IFT140: variants seen among roughly 807,000 people sequenced by gnomAD.
The protein encoded by IFT140 is intraflagellar transport 140.
In IFT140, 133 loss-of-function variants were observed where a neutral mutation model predicts 164.6. That is an observed-to-expected ratio of 0.81 (90% confidence interval 0.70 to 0.93). The LOEUF is 0.93. Ranked by LOEUF, IFT140 falls within the 40% of genes least tolerant of loss-of-function variation. IFT140 has a pLI of 0.00. For synonymous variants in IFT140, 860 were observed against 817.3 expected, an observed-to-expected ratio of 1.05 and a Z score of -0.89; for missense variants, 2,045 against 1,972.3, an observed-to-expected ratio of 1.04 and a Z score of -0.70.
chr16:1,524,129 G>T, intron 24 of IFT140, 173 bp from the exon 25 acceptor site: 1 of 814,858 alleles, frequency 1.2e-6, no homozygotes, highest in Non-Finnish European at 1.9e-6. Context: ...TGTCTACAAG[G>T]ATTTTCCGAT....
intron 6 of IFT140, 130 bp downstream of exon 6, chr16:1,592,046 C>T: frequency 6.9e-6 from 7 of 1,017,650 alleles, no homozygotes; most frequent in Non-Finnish European, 1.0e-5. Context: ...TGGCACACGT[C>T]ATCTTTCTGT....
chr16:1,535,779 T>C (rs2031005124), intron 19 of IFT140, among the ~76,000 whole-genome samples: 2 of 152,262 alleles, frequency 1.3e-5, no homozygotes, highest in African/African-American at 2.4e-5. Flanking sequence ...CAGCCTGGAC[T>C]GCGCACTTCC....
chr16:1,581,379 C>T (rs1011064038), intron 12 of IFT140, among the ~76,000 whole-genome samples: 3 of 152,162 alleles, frequency 2.0e-5, no homozygotes, highest in Admixed American at 1.3e-4. Context: ...GCAGGTGGAT[C>T]ACATGAGGTC....
chr16:1,562,030 G>A lies in IFT140; in HGVS notation c.2154C>T (p.His718=). The A allele has an allele frequency of 6.2e-7, 1 of 1,612,060 alleles. No homozygotes were observed. The highest frequency in any genetic ancestry group is 8.5e-7 in the Non-Finnish European group (1 of 1,179,114). ...AAGGCACTTCCATCCCCAGGAGACT[G>A]TGGGAGGTGGCAGGCCGGGGGAAGC... ...HESFPRPATS[H]SLLGMEVPYY... The change falls in exon 18 of 31, where the codon CAC becomes CAT. Residue 718 remains histidine, a synonymous_variant. Transcript: ENST00000426508.
intron 19 of IFT140, among the ~76,000 whole-genome samples, chr16:1,548,292 T>TA (rs2032338693): frequency 6.6e-6 from 1 of 152,218 alleles, no homozygotes; most frequent in South Asian, 2.1e-4. Context: ...GGGTCAGCCC[T>TA]GGGGTCTTTC....
intron 19 of IFT140, 121 bp downstream of exon 19, chr16:1,557,814 C>T: frequency 1.1e-6 from 1 of 952,104 alleles, no homozygotes; most frequent in East Asian, 2.4e-5. Flanking sequence ...ATGAAATACA[C>T]CATGACGCAG....
chr16:1,587,456 T>C (rs149363179), intron 8 of IFT140, 152 bp from the exon 9 acceptor site: 76 of 619,752 alleles, frequency 1.2e-4, no homozygotes, highest in African/African-American at 1.2e-3. Context: ...GCTGTTACAT[T>C]TGGGACATTT....
At chr16:1,568,404 C>T (rs886883269) in intron 14 of IFT140, 70 bp from the exon 15 acceptor site, 1 of 1,221,010 alleles carries the variant, frequency 8.2e-7, no homozygotes, top group East Asian at 2.3e-5. Flanking sequence ...CACCCTGAAA[C>T]CTCTGTTCAC....
At position 1,538,018 on chromosome 16, in the gene IFT140, C is replaced by G. The variant is rs555833472; in HGVS notation, c.2400-11222G>C. On this transcript the variant is annotated intron_variant, in intron 19 of 30. Coordinates refer to ENST00000426508, the MANE Select transcript of IFT140 (RefSeq NM_014714.4). The stretch of plus-strand genomic sequence containing the variant: ...TTTAAAAGTCAGCTGCTACCACGCA[C>G]AGCCACGCAGAGCCACGCAGAGCCA... 2.6e-4 allele frequency among the ~76,000 whole-genome samples: 40 copies of G among 152,338 alleles called. No homozygotes were observed. The South Asian group carries it at 5.4e-3, about 21-fold the overall frequency.
chr16:1,557,185 A>G (rs761408492), intron 19 of IFT140, among the ~76,000 whole-genome samples: 2 of 152,236 alleles, frequency 1.3e-5, no homozygotes, highest in Non-Finnish European at 2.9e-5. Flanking sequence ...TATGAAGTCA[A>G]AGTAATCCAG....
chr16:1,584,145 C>G, intron 11 of IFT140, 72 bp downstream of exon 11: 1 of 1,395,002 alleles, frequency 7.2e-7, no homozygotes, highest in South Asian at 1.2e-5. Context: ...GGGGCCCTTG[C>G]TGCCCTGAAC....
At chr16:1,534,258 G>C (rs1190978351) in intron 19 of IFT140, 1 of 1,608,076 alleles carries the variant, frequency 6.2e-7, no homozygotes, top group African/African-American at 1.3e-5. Context: ...CGGATAAGCG[G>C]CGGCACCGGC....
chr16:1,591,794 C>G (rs996475325), intron 6 of IFT140, among the ~76,000 whole-genome samples: 3 of 152,186 alleles, frequency 2.0e-5, no homozygotes, highest in Non-Finnish European at 4.4e-5. Context: ...CACACCCTAG[C>G]CAAGTACCTG....
Position 1,525,195 on chromosome 16 carries a change from G to C in IFT140, c.2864+36C>G, listed in dbSNP as rs139215872. 6.9e-4 allele frequency: 1,048 copies of C among 1,509,588 alleles called. 3 individuals carry two copies. The highest frequency in any genetic ancestry group is 8.3e-4 in the Non-Finnish European group (906 of 1,089,308). The allele number at this position is 1,509,588 out of a possible 1,614,324, so 93.5% of individuals were successfully genotyped here. ...GGGGTCCCTGCAAACCTCCAGGATG[G>C]AGTGCGGTCCCACCAGCCCTGGTGG... On this transcript the variant is annotated intron_variant, in intron 22 of 30. Coordinates refer to ENST00000426508, the MANE Select transcript of IFT140 (RefSeq NM_014714.4).
intron 19 of IFT140, chr16:1,540,958 G>C: frequency 1.0e-6 from 1 of 985,398 alleles, no homozygotes; most frequent in Non-Finnish European, 1.2e-6. Context: ...AGGGGCCTGG[G>C]AACACACTGC....
chr16:1,569,568 C>G (rs1241371629), intron 14 of IFT140, among the ~76,000 whole-genome samples: 1 of 150,042 alleles, frequency 6.7e-6, no homozygotes, highest in Non-Finnish European at 1.5e-5. Context: ...CCTCCTCTCC[C>G]TCCCCTCCCC....
At chr16:1,535,776 G>C (rs1452504871) in intron 19 of IFT140, among the ~76,000 whole-genome samples, 2 of 152,244 alleles carry the variant, frequency 1.3e-5, no homozygotes, top group African/African-American at 4.8e-5. Flanking sequence ...GCACAGCCTG[G>C]ACTGCGCACT....
chr16:1,517,019 GGGAT>G (rs1400533340), intron 30 of IFT140, among the ~76,000 whole-genome samples: 2 of 152,084 alleles, frequency 1.3e-5, no homozygotes, highest in Non-Finnish European at 2.9e-5. Context: ...GTTGAGCTAG[GGGAT>G]GGTACTGTAT....
Position 1,584,385 on chromosome 16 carries a change from G to T in IFT140, c.1191C>A (p.Ser397Arg). The change falls in exon 11 of 31, where the codon AGC becomes AGA. Residue 397 changes from serine (S) to arginine (R), a missense_variant. Ser to Arg is a moderately radical substitution (Grantham distance 110). Coordinates refer to ENST00000426508, the MANE Select transcript of IFT140 (RefSeq NM_014714.4). ...CGCTGAGGATGGCCACGGAGATGAC[G>T]CTGTTCACTGCCAGCAGGTTCTTCC... ...GSRKNLLAVN[S>R]VISVAILSER... is the part of the protein sequence containing the mutation. 1 of 1,611,598 alleles carries T rather than the reference G, an allele frequency of 6.2e-7. No homozygotes were observed.
Sources: allele counts gnomAD v4.1 joint callset (sites outside exome capture counted in the v4.1 genomes callset), GRCh38; gene constraint gnomAD v4.1.1; transcripts MANE v1.5; gene names NCBI Gene and HGNC (gene_info 2026-07-23, HGNC 2026-07-21).